Variants in FBXO42 observed in about 807,000 individuals in gnomAD.
FBXO42 encodes the protein F-box only protein 42.
Under a neutral mutation model 71.7 loss-of-function variants are expected in FBXO42, and 12 were observed. That is an observed-to-expected ratio of 0.17 (90% CI 0.11 to 0.27). The LOEUF is 0.27. Among genes scored for constraint, FBXO42 ranks in the 10% least tolerant of loss-of-function variants. The pLI is 1.00. For synonymous variants in FBXO42, 325 were observed against 327.5 expected, an observed-to-expected ratio of 0.99 and a Z score of 0.08; for missense variants, 707 against 911.9, an observed-to-expected ratio of 0.78 and a Z score of 2.89.
intron 1 of FBXO42, among the ~76,000 whole-genome samples, chr1:16,345,412 G>A (rs568020179): frequency 1.3e-5 from 2 of 152,158 alleles, no homozygotes; most frequent in African/African-American, 4.8e-5. Flanking sequence ...GATGGAGCGA[G>A]ACTCTGTCTT....
chr1:16,315,213 T>G lies in FBXO42; in HGVS notation c.206A>C (p.Lys69Thr). ...CTGTTTGCAGACAAGGGCCGCAGTT[T>G]TGTGTTCCTGATACGGTGAGAGAAA... ...LSFLSPYQEH[K>T]TAALVCKQWY... is the part of the protein sequence containing the mutation. Residue 69 changes from lysine to threonine, a missense_variant, in exon 2 of 10, where the codon AAA becomes ACA. Coordinates refer to ENST00000375592, the MANE Select transcript of FBXO42 (RefSeq NM_018994.3). 1 of 1,614,146 alleles carries G rather than the reference T, an allele frequency of 6.2e-7. No homozygotes were observed. Among genetic ancestry groups the G allele is most frequent in the Non-Finnish European group, 8.5e-7 (1 of 1,179,992 alleles).
intron 2 of FBXO42, among the ~76,000 whole-genome samples, chr1:16,313,000 G>A (rs1050067936): frequency 2.6e-5 from 4 of 151,992 alleles, no homozygotes; most frequent in Admixed American, 6.6e-5. Context: ...TCACCATGTT[G>A]ACCAGGCTGG....
At chr1:16,270,791 C>T (rs1394628900) in intron 4 of FBXO42, among the ~76,000 whole-genome samples, 21 of 138,012 alleles carry the variant, frequency 1.5e-4, no homozygotes, top group East Asian at 2.0e-4. Context: ...CACACACACA[C>T]ATATAAAATT....
chr1:16,328,848 C>A (rs1029100063), intron 1 of FBXO42, among the ~76,000 whole-genome samples: 16 of 152,096 alleles, frequency 1.1e-4, no homozygotes, highest in East Asian at 9.7e-4. Context: ...TAAGGAAGTG[C>A]CCTAAAAACA....
In FBXO42 at chr1:16,253,158, G is replaced by A; in HGVS notation, c.865-6C>T. 2.5e-6 allele frequency: 4 copies of A among 1,612,470 alleles called. No homozygotes were observed. The highest frequency in any genetic ancestry group is 3.4e-6 in the Non-Finnish European group (4 of 1,179,406). ...GTTGCATCATCTATGACAATCTGAG[G>A]AGGGGAAGACATTGAAAATAAACCT... On this transcript the variant is annotated splice_region_variant and splice_polypyrimidine_tract_variant and intron_variant, in intron 7 of 9. Transcript: ENST00000375592.
At chr1:16,271,216 G>A (rs1044536270) in intron 4 of FBXO42, among the ~76,000 whole-genome samples, 1 of 151,522 alleles carries the variant, frequency 6.6e-6, no homozygotes, top group Non-Finnish European at 1.5e-5. Flanking sequence ...GACCTTGTTT[G>A]GCCATACTTT....
chr1:16,264,689 C>T (rs923377163), intron 4 of FBXO42, among the ~76,000 whole-genome samples: 1 of 152,198 alleles, frequency 6.6e-6, no homozygotes, highest in Non-Finnish European at 1.5e-5. Flanking sequence ...CTAAATCGCA[C>T]AGCAGATATG....
chr1:16,316,263 C>T (rs1229826949), intron 1 of FBXO42, among the ~76,000 whole-genome samples: 3 of 151,876 alleles, frequency 2.0e-5, no homozygotes, highest in African/African-American at 4.8e-5. Context: ...CCTGTTTGCC[C>T]GGAGAATACT....
intron 1 of FBXO42, among the ~76,000 whole-genome samples, chr1:16,323,794 C>CAAAAAAAAAAAAAAAAAA (rs1158421632): frequency 1.6e-5 from 1 of 63,252 alleles, no homozygotes. Flanking sequence ...GACTCTGTCT[C>CAAAAAAAAAAAAAAAAAA]AAAAAAAAAA....
At chr1:16,258,911 A>T (rs532273586) in intron 4 of FBXO42, among the ~76,000 whole-genome samples, 11 of 151,984 alleles carry the variant, frequency 7.2e-5, no homozygotes, top group African/African-American at 2.7e-4. Context: ...CTAATTTTTA[A>T]AATTTTTTTG....
chr1:16,252,135 A>G lies in FBXO42; in HGVS notation c.1038+153T>C, dbSNP rs2081598590. On this transcript the variant is annotated intron_variant, in intron 9 of 9. Coordinates refer to ENST00000375592, the MANE Select transcript of FBXO42 (RefSeq NM_018994.3). The surrounding 1 kb of genome is among the most constrained non-coding windows in gnomAD (Gnocchi z 4.4). ...CCTGTAAGTTTTCCCATTTAGTGAG[A>G]AATGCCAAAGGAGCTATGGCTAATG... Among the ~76,000 whole-genome samples, 1 of 152,222 alleles carries G rather than the reference A, an allele frequency of 6.6e-6. No individual in the cohort carries two copies.
rs1553156685 is a variant in FBXO42 at position 16,350,757 on chromosome 1, A to AAGAAAG, written c.-18+1497_-18+1498insCTTTCT. Among the ~76,000 whole-genome samples, 401 of 44,276 alleles carry AAGAAAG rather than the reference A, an allele frequency of 9.1e-3. 7 individuals carry two copies. Among genetic ancestry groups the AAGAAAG allele is most frequent in the Middle Eastern group, 0.014 (1 of 74 alleles). The allele number at this position is 44,276 out of a possible 152,430, so 29.0% of individuals were successfully genotyped here. On this transcript the variant is annotated intron_variant, in intron 1 of 9. Coordinates refer to ENST00000375592, the MANE Select transcript of FBXO42 (RefSeq NM_018994.3). Reference sequence around the variant, plus strand: ...GTGAGAAACTGCAAAAAAAAAAAAAAAAAGAAAGAAAGAAAGAAAGAAAGA... The same window carrying AAGAAAG: ...GTGAGAAACTGCAAAAAAAAAAAAAAAGAAAGAAAGAAAGAAAGAAAGAAAGAAAGA...
At chr1:16,272,871 A>G (rs1183721158) in intron 4 of FBXO42, among the ~76,000 whole-genome samples, 2 of 152,228 alleles carry the variant, frequency 1.3e-5, no homozygotes, top group Non-Finnish European at 2.9e-5. Flanking sequence ...GAAAGTATCA[A>G]CCAGGGTCCC....
chr1:16,253,686 G>C lies in FBXO42; in HGVS notation c.813C>G (p.Ser271=). 4 of 1,614,208 alleles carry C rather than the reference G, an allele frequency of 2.5e-6. 1 individual carries two copies. The South Asian group carries it at 4.4e-5, about 18-fold the overall frequency. ...WVLDLEQWAW[S]KPNISGPSPH... ...GACTGGGGCCAGAGATGTTCGGCTTGGACCACGCCCACTGCTCAAGGTCAA... is the reference window on the plus strand; with the variant it reads ...GACTGGGGCCAGAGATGTTCGGCTTCGACCACGCCCACTGCTCAAGGTCAA... The change falls in exon 7 of 10, where the codon TCC becomes TCG. Residue 271 remains serine (S), a synonymous_variant. Coordinates refer to ENST00000375592, the MANE Select transcript of FBXO42 (RefSeq NM_018994.3).
intron 3 of FBXO42, among the ~76,000 whole-genome samples, chr1:16,295,873 T>C (rs911036150): frequency 7.9e-5 from 12 of 152,166 alleles, no homozygotes; most frequent in Non-Finnish European, 8.8e-5. Context: ...TGAAAAAGCA[T>C]GGAAATCATT....
intron 1 of FBXO42, among the ~76,000 whole-genome samples, chr1:16,349,348 A>G (rs971147572): frequency 2.6e-5 from 4 of 152,202 alleles, no homozygotes; most frequent in Admixed American, 6.6e-5. Context: ...ACTATATGCA[A>G]CTTCAGACCA....
Position 16,252,507 on chromosome 1 carries a change from G to T in FBXO42, c.922-103C>A. ...AAAGCTCTCCTGTCTGGTCTTGAAA[G>T]GATGTGGACTCTTCAGAAGGATAGC... On this transcript the variant is annotated intron_variant, in intron 8 of 9. Coordinates refer to ENST00000375592, the MANE Select transcript of FBXO42 (RefSeq NM_018994.3). The surrounding 1 kb of genome is among the most constrained non-coding windows in gnomAD (Gnocchi z 4.4). The T allele has an allele frequency of 1.1e-6, 1 of 884,250 alleles. No homozygotes were observed. The highest frequency in any genetic ancestry group is 1.8e-6 in the Non-Finnish European group (1 of 544,592). 54.8% of individuals were successfully genotyped at this position (884,250 alleles called of 1,614,324 possible). A position where few individuals can be genotyped will look rare whatever the true frequency, so the allele number is the denominator to read the frequency against.
chr1:16,281,239 G>A (rs1431265632), intron 4 of FBXO42, among the ~76,000 whole-genome samples: 1 of 152,200 alleles, frequency 6.6e-6, no homozygotes, highest in African/African-American at 2.4e-5. Context: ...TGGGATTACA[G>A]GCGTGAGCCG....
chr1:16,309,810 C>G (rs549604422), intron 2 of FBXO42, among the ~76,000 whole-genome samples: 1 of 151,496 alleles, frequency 6.6e-6, no homozygotes, highest in African/African-American at 2.4e-5. Context: ...TTTGGGAGGC[C>G]GAGGTGGGTG....
Sources: allele counts gnomAD v4.1 joint callset (sites outside exome capture counted in the v4.1 genomes callset), GRCh38; gene constraint gnomAD v4.1.1; non-coding constraint Gnocchi (gnomAD v3.1); transcripts MANE v1.5; gene names NCBI Gene and HGNC (gene_info 2026-07-23, HGNC 2026-07-21).